HPCA: variants seen among roughly 807,000 people sequenced by gnomAD.
The protein encoded by HPCA is hippocalcin.
A neutral mutation model predicts 18.2 loss-of-function variants in HPCA; 4 were observed. The ratio of observed to expected loss-of-function variants is 0.22; its 90% CI spans 0.11 to 0.50. HPCA has a LOEUF of 0.50. HPCA is among the 20% of genes least tolerant of loss of function. The pLI, the probability that HPCA is intolerant of heterozygous loss-of-function variation, is 0.97. For synonymous variants in HPCA, 93 were observed against 103.5 expected (o/e 0.90, Z 0.61); for missense variants, 161 against 265.8 (o/e 0.61, Z 2.74).
chr1:32,892,496 T>G (rs569676230), intron 2 of HPCA, among the ~76,000 whole-genome samples: 1 of 151,848 alleles, frequency 6.6e-6, no homozygotes, highest in Admixed American at 6.5e-5. Flanking sequence ...CAAGGAGAAG[T>G]GGGAAGCAGC....
chr1:32,887,726 C>T (rs887585278), intron 1 of HPCA, among the ~76,000 whole-genome samples: 1 of 152,116 alleles, frequency 6.6e-6, no homozygotes, highest in Non-Finnish European at 1.5e-5. Context: ...CCTGAAGGTC[C>T]CACGTGCAGC....
Position 32,894,075 on chromosome 1 carries a change from TAG to T in HPCA, c.*217_*218del. On this transcript the variant is annotated 3_prime_UTR_variant, in exon 4 of 4. Transcript: ENST00000373467. ...CACCCCCCAATCCCAGAGGCAACAATAGAGACACAGGCTGGGTTGGTCTGCCC... is the reference window on the plus strand; with the variant it reads ...CACCCCCCAATCCCAGAGGCAACAATAGACACAGGCTGGGTTGGTCTGCCC... 1.8e-6 allele frequency: 1 copy of T among 561,398 alleles called. No individual in the cohort carries two copies. The highest frequency in any genetic ancestry group is 2.3e-5 in the South Asian group (1 of 44,416). The allele number at this position is 561,398 out of a possible 1,614,324, so 34.8% of individuals were successfully genotyped here.
chr1:32,890,610 C>T (rs1641439079), intron 2 of HPCA, among the ~76,000 whole-genome samples: 1 of 152,230 alleles, frequency 6.6e-6, no homozygotes, highest in African/African-American at 2.4e-5. Flanking sequence ...TCTGCACATC[C>T]TCTGCTCTAG....
chr1:32,893,694 C>T lies in HPCA; in HGVS notation c.484+65C>T. ...CCTTTCCCTCCCTCCCTCCCTGCCTCCCTTTCCCGCTCCGCCTCCCCTCGC... is the reference window on the plus strand; with the variant it reads ...CCTTTCCCTCCCTCCCTCCCTGCCTTCCTTTCCCGCTCCGCCTCCCCTCGC... On this transcript the variant is annotated intron_variant, in intron 3 of 3. Transcript: ENST00000373467. This position sits in a 1 kb window ranked among gnomAD's most constrained non-coding sequence, Gnocchi z 7.5. The T allele has an allele frequency of 7.1e-7, 1 of 1,410,898 alleles. No homozygotes were observed. The highest frequency in any genetic ancestry group is 9.9e-7 in the Non-Finnish European group (1 of 1,007,158). 87.4% of individuals were successfully genotyped at this position (1,410,898 alleles called of 1,614,324 possible).
At chr1:32,892,456 C>A (rs1454523874) in intron 2 of HPCA, among the ~76,000 whole-genome samples, 1 of 152,160 alleles carries the variant, frequency 6.6e-6, no homozygotes, top group Non-Finnish European at 1.5e-5. Flanking sequence ...GAGAAGACCT[C>A]GCTAAGAAAA....
intron 1 of HPCA, among the ~76,000 whole-genome samples, chr1:32,887,729 C>T (rs1641393804): frequency 1.3e-5 from 2 of 152,158 alleles, no homozygotes; most frequent in Admixed American, 6.5e-5. Context: ...GAAGGTCCCA[C>T]GTGCAGCTGG....
chr1:32,887,296 A>G (rs1203830141), intron 1 of HPCA, among the ~76,000 whole-genome samples: 4 of 152,212 alleles, frequency 2.6e-5, no homozygotes, highest in African/African-American at 9.7e-5. Context: ...ATAGATGGAA[A>G]GACACGGCAG....
chr1:32,886,372 G>A (rs992883511), upstream of HPCA: 1 of 151,796 alleles, frequency 6.6e-6, no homozygotes, highest in African/African-American at 2.4e-5. This position sits in a 1 kb window ranked among gnomAD's most constrained non-coding sequence, Gnocchi z 7.0. Flanking sequence ...CCCAGGGCTG[G>A]CGGGGACCCC....
Position 32,893,566 on chromosome 1 carries a change from G to A in HPCA, c.421G>A (p.Asp141Asn). Residue 141 changes from aspartate to asparagine, a missense_variant, in exon 3 of 4, where the codon GAC becomes AAC. Transcript: ENST00000373467. This position sits in a 1 kb window ranked among gnomAD's most constrained non-coding sequence, Gnocchi z 7.5. ...TTCGTCCGTGATGAAGATGCCGGAG[G>A]ACGAGTCGACCCCGGAAAAGAGGAC... Reference protein sequence around the residue: ...MVSSVMKMPEDESTPEKRTEK... With the variant: ...MVSSVMKMPENESTPEKRTEK... 1 of 1,613,852 alleles carries A rather than the reference G, an allele frequency of 6.2e-7. No individual in the cohort carries two copies. The highest frequency in any genetic ancestry group is 1.1e-5 in the South Asian group (1 of 91,066).
intron 2 of HPCA, among the ~76,000 whole-genome samples, chr1:32,892,968 A>G (rs1357788171): frequency 2.0e-5 from 3 of 151,898 alleles, no homozygotes; most frequent in Non-Finnish European, 2.9e-5. Flanking sequence ...GCTCATTTGC[A>G]TTCATTTGCA....
chr1:32,890,299 G>C (rs1641434733), intron 2 of HPCA, among the ~76,000 whole-genome samples: 1 of 152,208 alleles, frequency 6.6e-6, no homozygotes, highest in Non-Finnish European at 1.5e-5. Context: ...TTCACAAGGA[G>C]ATTTAAGGAC....
In HPCA at chr1:32,887,104, G is replaced by C. The variant is rs550347931; in HGVS notation, c.-22+589G>C. 2.6e-5 allele frequency among the ~76,000 whole-genome samples: 4 copies of C among 152,258 alleles called. No individual in the cohort carries two copies. The East Asian group carries it at 7.7e-4, about 29-fold the overall frequency. ...CCCTTTCCCACTCACTTGTCCGGTG[G>C]GTCCTTAGCCTGGGCCATAAGAGGC... is the stretch of plus-strand genomic sequence containing the variant. On this transcript the variant is annotated intron_variant, in intron 1 of 3. Coordinates refer to ENST00000373467, the MANE Select transcript of HPCA (RefSeq NM_002143.3).
rs115928739 is a variant in HPCA at position 32,887,142 on chromosome 1, G to A, written c.-22+627G>A. Among the ~76,000 whole-genome samples, 749 of 152,264 alleles carry A rather than the reference G, an allele frequency of 4.9e-3. 8 individuals carry two copies. The highest frequency in any genetic ancestry group is 0.017 in the African/African-American group (696 of 41,548). On this transcript the variant is annotated intron_variant, in intron 1 of 3. Coordinates refer to ENST00000373467, the MANE Select transcript of HPCA (RefSeq NM_002143.3). ...GGCCATAAGAGGCTGGTCTAGAAAG[G>A]AGGGGCACCAACTTACAGAAACATG... is the stretch of plus-strand genomic sequence containing the variant.
rs201124176 is a variant in HPCA, at chr1:32,891,418, C to T, written c.379-2106C>T. Among the ~76,000 whole-genome samples the T allele has an allele frequency of 3.9e-5, 6 of 152,334 alleles. No individual in the cohort carries two copies. The East Asian group carries it at 9.6e-4, about 24-fold the overall frequency. ...GGACACACTGGAGAGGAAGAGACTG[C>T]GCCTCTTGGGGCTCCCACTCTGGTG... is the stretch of plus-strand genomic sequence containing the variant. On this transcript the variant is annotated intron_variant, in intron 2 of 3. Coordinates refer to ENST00000373467, the MANE Select transcript of HPCA (RefSeq NM_002143.3).
chr1:32,894,149 C>T lies in HPCA; in HGVS notation c.*287C>T. On this transcript the variant is annotated 3_prime_UTR_variant, in exon 4 of 4. Coordinates refer to ENST00000373467, the MANE Select transcript of HPCA (RefSeq NM_002143.3). ...ACCCACCAGCCCCAAGGCCCGACCC[C>T]TCCCCCAAAGGGGCAGTCCCCTTCT... 2.4e-6 allele frequency: 1 copy of T among 420,300 alleles called. No homozygotes were observed. The allele number at this position is 420,300 out of a possible 1,614,324, so 26.0% of individuals were successfully genotyped here.
In HPCA at chr1:32,894,143, C is replaced by T; in HGVS notation, c.*281C>T. 2.3e-6 allele frequency: 1 copy of T among 429,876 alleles called. No homozygotes were observed. Among genetic ancestry groups the T allele is most frequent in the East Asian group, 3.7e-5 (1 of 26,706 alleles). 26.6% of individuals were successfully genotyped at this position (429,876 alleles called of 1,614,324 possible). The stretch of plus-strand genomic sequence containing the variant: ...TTACCCACCCACCAGCCCCAAGGCC[C>T]GACCCCTCCCCCAAAGGGGCAGTCC... On this transcript the variant is annotated 3_prime_UTR_variant, in exon 4 of 4. Coordinates refer to ENST00000373467, the MANE Select transcript of HPCA (RefSeq NM_002143.3).
intron 1 of HPCA, among the ~76,000 whole-genome samples, chr1:32,888,090 T>C (rs1363100925): frequency 6.6e-5 from 10 of 152,204 alleles, no homozygotes; most frequent in Non-Finnish European, 1.2e-4. Context: ...GTAGCACTTA[T>C]CTATGCAGCC....
chr1:32,894,123 C>T lies in HPCA; in HGVS notation c.*261C>T. The T allele has an allele frequency of 2.1e-6, 1 of 480,130 alleles. No homozygotes were observed. The highest frequency in any genetic ancestry group is 3.7e-6 in the Non-Finnish European group (1 of 268,098). The allele number at this position is 480,130 out of a possible 1,614,324, so 29.7% of individuals were successfully genotyped here. Reference sequence around the variant, plus strand: ...TGCCCCTCAGTCAGGCCCCCTTACCCACCCACCAGCCCCAAGGCCCGACCC... The same window carrying T: ...TGCCCCTCAGTCAGGCCCCCTTACCTACCCACCAGCCCCAAGGCCCGACCC... On this transcript the variant is annotated 3_prime_UTR_variant, in exon 4 of 4. Transcript: ENST00000373467.
At position 32,893,751 on chromosome 1, in the gene HPCA, C is replaced by T. The variant is rs768012670; in HGVS notation, c.485-14C>T. 1.5e-5 allele frequency: 23 copies of T among 1,570,562 alleles called. No homozygotes were observed. Among genetic ancestry groups the T allele is most frequent in the African/African-American group, 6.8e-5 (5 of 73,600 alleles). On this transcript the variant is annotated splice_polypyrimidine_tract_variant and intron_variant, in intron 3 of 3. Transcript: ENST00000373467. This position sits in a 1 kb window ranked among gnomAD's most constrained non-coding sequence, Gnocchi z 7.5. ...GCCGCCTCCTCCCCCATCACCGCTC[C>T]CCTCGCCCTGCAGGCAAGCTGTCCT...
Sources: allele counts gnomAD v4.1 joint callset (sites outside exome capture counted in the v4.1 genomes callset), GRCh38; gene constraint gnomAD v4.1.1; non-coding constraint Gnocchi (gnomAD v3.1); transcripts MANE v1.5; gene names NCBI Gene and HGNC (gene_info 2026-07-23, HGNC 2026-07-21).